Variants in CDH8 observed in about 807,000 individuals in gnomAD.
The protein encoded by CDH8 is cadherin-8.
A neutral mutation model predicts 68.1 loss-of-function variants in CDH8; 17 were observed. The ratio of observed to expected loss-of-function variants is 0.25; its 90% CI spans 0.17 to 0.37. The LOEUF is 0.37. Ranked by LOEUF, CDH8 falls within the 10% of genes least tolerant of loss-of-function variation. The probability of loss-of-function intolerance (pLI) is 1.00; values close to 1 mark genes in which losing one functional copy is unlikely to be tolerated. For missense variants in CDH8, 763 were observed against 999.3 expected (o/e 0.76, Z 3.19); for synonymous variants, 372 against 365.1 (o/e 1.02, Z -0.21).
chr16:61,766,010 CT>C (rs1960580377), intron 8 of CDH8, among the ~76,000 whole-genome samples: 1 of 151,822 alleles, frequency 6.6e-6, no homozygotes, highest in Non-Finnish European at 1.5e-5. Context: ...ATTTTAATAG[CT>C]TTAGGTTTAC....
intron 9 of CDH8, among the ~76,000 whole-genome samples, chr16:61,715,340 A>C (rs949348957): frequency 1.3e-5 from 2 of 151,662 alleles, no homozygotes; most frequent in African/African-American, 2.4e-5. Context: ...TTCCCAGATA[A>C]GATAAAAGTC....
At chr16:61,768,090 T>C (rs1239779907) in intron 8 of CDH8, among the ~76,000 whole-genome samples, 3 of 151,966 alleles carry the variant, frequency 2.0e-5, no homozygotes, top group Admixed American at 6.6e-5. Flanking sequence ...TAGCTGTTAT[T>C]ATTATGGTTG....
intron 3 of CDH8, among the ~76,000 whole-genome samples, chr16:61,879,639 C>A (rs1020910661): frequency 3.3e-5 from 5 of 152,168 alleles, no homozygotes; most frequent in African/African-American, 1.2e-4. Context: ...GCAGGAAGTT[C>A]TTTTGCCTTT....
chr16:61,844,956 G>A (rs1962772853), intron 4 of CDH8, among the ~76,000 whole-genome samples: 1 of 152,118 alleles, frequency 6.6e-6, no homozygotes, highest in South Asian at 2.1e-4. Flanking sequence ...TAGCAAGTCA[G>A]ATTTAAACTC....
At chr16:61,727,267 G>A (rs781004813) in intron 8 of CDH8, 52 bp from the exon 9 acceptor site, 12 of 1,525,422 alleles carry the variant, frequency 7.9e-6, no homozygotes. Context: ...ATTTTAACGT[G>A]CAACTCAACT....
intron 4 of CDH8, among the ~76,000 whole-genome samples, chr16:61,848,731 G>C (rs1962874057): frequency 6.6e-6 from 1 of 152,058 alleles, no homozygotes; most frequent in Non-Finnish European, 1.5e-5. Flanking sequence ...ACACCTATTA[G>C]AAACTTAAAA....
At chr16:61,960,715 CCTTT>C (rs2150571274) in intron 2 of CDH8, among the ~76,000 whole-genome samples, 1 of 152,190 alleles carries the variant, frequency 6.6e-6, no homozygotes, top group East Asian at 1.9e-4. Flanking sequence ...TCCCTCTCGC[CCTTT>C]CTTTCTTCCT....
intron 4 of CDH8, among the ~76,000 whole-genome samples, chr16:61,851,459 A>T (rs1962936359): frequency 6.6e-6 from 1 of 152,084 alleles, no homozygotes; most frequent in Admixed American, 6.6e-5. Flanking sequence ...TGGTCTCTTT[A>T]GATAATTAAG....
At chr16:61,923,240 G>T (rs1964400871) in intron 2 of CDH8, among the ~76,000 whole-genome samples, 2 of 152,120 alleles carry the variant, frequency 1.3e-5, no homozygotes, top group Admixed American at 1.3e-4. Context: ...ATAGCTTGAG[G>T]ATTAGAACAC....
At chr16:61,991,443 C>T (rs1043977602) in intron 2 of CDH8, among the ~76,000 whole-genome samples, 6 of 152,204 alleles carry the variant, frequency 3.9e-5, no homozygotes, top group Admixed American at 3.9e-4. Context: ...AAGGACTCAA[C>T]TTAGGCAAGC....
chr16:61,920,327 T>C lies in CDH8; in HGVS notation c.253-18854A>G, dbSNP rs1400346821. Among the ~76,000 whole-genome samples the C allele has an allele frequency of 1.2e-4, 16 of 137,762 alleles. 2 individuals carry two copies. The highest frequency in any genetic ancestry group is 5.9e-4 in the Admixed American group (8 of 13,620). 90.4% of individuals were successfully genotyped at this position (137,762 alleles called of 152,430 possible). ...CAGAGTGAACAGGCAACCTACAAAA[T>C]GGGAGAAAATTTTCGCAACCTACTC... is the stretch of plus-strand genomic sequence containing the variant. On this transcript the variant is annotated intron_variant, in intron 2 of 11. Transcript: ENST00000577390.
At chr16:61,734,514 C>T (rs1959621587) in intron 8 of CDH8, among the ~76,000 whole-genome samples, 1 of 152,030 alleles carries the variant, frequency 6.6e-6, no homozygotes, top group African/African-American at 2.4e-5. Flanking sequence ...CATGCCTGTG[C>T]CTACTTTGTG....
chr16:61,885,154 G>A (rs1963650222), intron 3 of CDH8, among the ~76,000 whole-genome samples: 1 of 152,116 alleles, frequency 6.6e-6, no homozygotes, highest in Non-Finnish European at 1.5e-5. Flanking sequence ...CTACAAAGCA[G>A]ACAAAACATA....
At chr16:61,765,841 G>T (rs999161374) in intron 8 of CDH8, among the ~76,000 whole-genome samples, 1 of 151,882 alleles carries the variant, frequency 6.6e-6, no homozygotes, top group African/African-American at 2.4e-5. Context: ...CTAGATACCT[G>T]CCATGACTCC....
chr16:61,768,360 C>CCCTT (rs1960670477), intron 8 of CDH8, among the ~76,000 whole-genome samples: 2 of 108,408 alleles, frequency 1.8e-5, no homozygotes, highest in East Asian at 2.7e-4. Flanking sequence ...CTCTCTCTCT[C>CCCTT]TCTCTCTCCC....
At chr16:61,951,485 C>T (rs1036919069) in intron 2 of CDH8, among the ~76,000 whole-genome samples, 1 of 143,864 alleles carries the variant, frequency 7.0e-6, no homozygotes, top group Admixed American at 7.3e-5. Context: ...TGCACTCCAG[C>T]CTGGGCAACA....
At chr16:61,826,101 T>C (rs1962327350) in intron 4 of CDH8, among the ~76,000 whole-genome samples, 1 of 151,532 alleles carries the variant, frequency 6.6e-6, no homozygotes, top group South Asian at 2.1e-4. Context: ...CCATGATATG[T>C]ACATACCCAG....
chr16:61,672,901 T>C (rs1224692944), intron 10 of CDH8, among the ~76,000 whole-genome samples: 1 of 152,108 alleles, frequency 6.6e-6, no homozygotes, highest in Admixed American at 6.6e-5. Flanking sequence ...AAATCCATCA[T>C]TCAATGCTTT....
rs1268365752 is a variant in CDH8, at chr16:61,944,413, AT to A, written c.253-42941del. On this transcript the variant is annotated intron_variant, in intron 2 of 11. Transcript: ENST00000577390. ...AGGGTTCTCAGTTGTTCCCTTCTAA[AT>A]ACTGCTGGGGGAGGTGGCATTGCCT... is the stretch of plus-strand genomic sequence containing the variant. Among the ~76,000 whole-genome samples the A allele has an allele frequency of 2.0e-5, 3 of 152,286 alleles. No individual in the cohort carries two copies. The East Asian group carries it at 5.8e-4, about 29-fold the overall frequency.
Sources: gnomAD v4.1 joint callset for allele counts (sites outside exome capture counted in the v4.1 genomes callset) on GRCh38, gnomAD v4.1.1 for gene constraint, MANE v1.5 for transcripts, NCBI Gene and HGNC (gene_info 2026-07-23, HGNC 2026-07-21) for gene names.